GPC5: variants seen among roughly 807,000 people sequenced by gnomAD.
The protein encoded by GPC5 is glypican 5, also known as glypican-5.
Under a neutral mutation model 53.9 loss-of-function variants are expected in GPC5, and 47 were observed. The observed-to-expected ratio is 0.87, with a 90% CI of 0.69 to 1.11. The LOEUF is 1.11. Ranked by LOEUF, GPC5 falls within the 50% of genes most tolerant of loss-of-function variation. The pLI is 0.00. For missense variants in GPC5, 748 were observed against 713.1 expected (o/e 1.05, Z -0.56); for synonymous variants, 286 against 263.3 (o/e 1.09, Z -0.84).
intron 7 of GPC5, among the ~76,000 whole-genome samples, chr13:92,260,607 G>T (rs537407806): frequency 5.3e-5 from 8 of 152,044 alleles, no homozygotes; most frequent in Admixed American, 1.3e-4. Flanking sequence ...TCATCCTCTT[G>T]TCATGTCTGC....
chr13:92,261,723 T>C (rs1406935328), intron 7 of GPC5, among the ~76,000 whole-genome samples: 1 of 152,154 alleles, frequency 6.6e-6, no homozygotes, highest in East Asian at 1.9e-4. Flanking sequence ...GATGATATAG[T>C]GCTTTATGTA....
At chr13:91,651,508 T>A (rs1161488705) in intron 2 of GPC5, among the ~76,000 whole-genome samples, 3 of 152,120 alleles carry the variant, frequency 2.0e-5, no homozygotes, top group Admixed American at 1.3e-4. Context: ...TCACCTGAGG[T>A]TGGGAGTTCA....
intron 7 of GPC5, among the ~76,000 whole-genome samples, chr13:92,571,256 C>G (rs1160821495): frequency 6.6e-6 from 1 of 152,144 alleles, no homozygotes; most frequent in African/African-American, 2.4e-5. Context: ...GGTTCCAGTT[C>G]TATTCTCACC....
At chr13:91,631,978 G>A (rs1023965241) in intron 2 of GPC5, among the ~76,000 whole-genome samples, 2 of 152,098 alleles carry the variant, frequency 1.3e-5, no homozygotes, top group African/African-American at 4.8e-5. Flanking sequence ...ATTAGAAAAT[G>A]AGGCTCTGTT....
chr13:92,062,682 G>A (rs1221398043), intron 6 of GPC5, among the ~76,000 whole-genome samples: 3 of 151,938 alleles, frequency 2.0e-5, no homozygotes, highest in African/African-American at 4.8e-5. Flanking sequence ...TGGGTTTGGG[G>A]AATAATGTGG....
intron 7 of GPC5, among the ~76,000 whole-genome samples, chr13:92,360,604 C>T (rs967530835): frequency 6.6e-6 from 1 of 151,536 alleles, no homozygotes; most frequent in African/African-American, 2.4e-5. Context: ...TCCTATTCAA[C>T]ATAGTATTGG....
intron 7 of GPC5, among the ~76,000 whole-genome samples, chr13:92,437,126 A>G (rs1308401534): frequency 1.3e-5 from 2 of 152,056 alleles, no homozygotes; most frequent in African/African-American, 4.8e-5. Context: ...TTGCTCTGAC[A>G]TAGATTTAAG....
intron 6 of GPC5, among the ~76,000 whole-genome samples, chr13:92,093,201 T>C (rs2041394698): frequency 6.6e-6 from 1 of 152,192 alleles, no homozygotes; most frequent in Non-Finnish European, 1.5e-5. Context: ...CCAGTGAATA[T>C]TAAAGGCCTT....
chr13:92,801,323 T>A lies in GPC5; in HGVS notation c.1562-64959T>A, dbSNP rs557632022. On this transcript the variant is annotated intron_variant, in intron 7 of 7. Coordinates refer to ENST00000377067, the MANE Select transcript of GPC5 (RefSeq NM_004466.6). The stretch of plus-strand genomic sequence containing the variant: ...GATTTTAATGGAGCTGAAAAATTCC[T>A]ATTGCCTGGTGGCATCTTAGCTGTT... Among the ~76,000 whole-genome samples the A allele has an allele frequency of 2.0e-5, 3 of 151,960 alleles. No individual in the cohort carries two copies. In the East Asian group the frequency reaches 5.8e-4, roughly 30 times the overall value.
intron 7 of GPC5, among the ~76,000 whole-genome samples, chr13:92,310,093 T>G (rs1320638057): frequency 6.6e-6 from 1 of 152,146 alleles, no homozygotes; most frequent in African/African-American, 2.4e-5. Context: ...CCTTCTTTTT[T>G]AAGGCTGAAT....
chr13:91,987,970 T>C (rs1478006016), intron 6 of GPC5, among the ~76,000 whole-genome samples: 6 of 145,940 alleles, frequency 4.1e-5, no homozygotes, highest in Non-Finnish European at 7.5e-5. Flanking sequence ...ATATATAATA[T>C]AGTAATAGTT....
At chr13:92,393,914 G>C (rs1015500416) in intron 7 of GPC5, among the ~76,000 whole-genome samples, 3 of 151,546 alleles carry the variant, frequency 2.0e-5, no homozygotes. Flanking sequence ...TATTTTCCTT[G>C]AGATTTTTTT....
At chr13:92,658,049 T>C (rs1203115458) in intron 7 of GPC5, among the ~76,000 whole-genome samples, 1 of 152,216 alleles carries the variant, frequency 6.6e-6, no homozygotes, top group African/African-American at 2.4e-5. Context: ...GTGTTTATTA[T>C]ACACTTACCC....
chr13:92,545,081 C>A (rs1264904846), intron 7 of GPC5, among the ~76,000 whole-genome samples: 1 of 151,986 alleles, frequency 6.6e-6, no homozygotes, highest in Non-Finnish European at 1.5e-5. Flanking sequence ...CACCCCACCC[C>A]ACAACAGGCC....
intron 2 of GPC5, among the ~76,000 whole-genome samples, chr13:91,489,125 C>G (rs1035212678): frequency 6.6e-6 from 1 of 152,184 alleles, no homozygotes; most frequent in Non-Finnish European, 1.5e-5. Flanking sequence ...ACTTCATTAG[C>G]AATTTTAATT....
intron 7 of GPC5, among the ~76,000 whole-genome samples, chr13:92,256,930 C>A (rs1279778423): frequency 6.6e-6 from 1 of 152,052 alleles, no homozygotes; most frequent in Admixed American, 6.6e-5. Flanking sequence ...AAACACACAG[C>A]AGTAAATAAA....
chr13:92,790,543 G>C (rs1876424820), intron 7 of GPC5, among the ~76,000 whole-genome samples: 1 of 152,116 alleles, frequency 6.6e-6, no homozygotes. Flanking sequence ...AAGTGTGCTT[G>C]TGCGAAGAAT....
At chr13:92,402,916 C>G (rs1875624095) in intron 7 of GPC5, among the ~76,000 whole-genome samples, 1 of 152,152 alleles carries the variant, frequency 6.6e-6, no homozygotes, top group African/African-American at 2.4e-5. Context: ...AGATTTATTC[C>G]TCATTGCGGC....
chr13:91,909,220 G>A (rs117944313), intron 6 of GPC5, among the ~76,000 whole-genome samples: 1,961 of 152,258 alleles, frequency 0.013, 22 homozygotes, highest in Middle Eastern at 0.051. Flanking sequence ...CATGACTACC[G>A]ATGAGTTAAA....
Sources: gnomAD v4.1 joint callset for allele counts (sites outside exome capture counted in the v4.1 genomes callset) on GRCh38, gnomAD v4.1.1 for gene constraint, MANE v1.5 for transcripts, NCBI Gene and HGNC (gene_info 2026-07-23, HGNC 2026-07-21) for gene names.